The following OTUD7A variants were observed in gnomAD, a reference collection of about 807,000 sequenced individuals.
OTUD7A encodes the protein OTU domain-containing protein 7A.
OTUD7A carries 12 observed loss-of-function variants against 65.7 expected under a neutral mutation model. The observed-to-expected ratio is 0.18, with a 90% CI of 0.12 to 0.30. OTUD7A has a LOEUF of 0.30. Ranked by LOEUF, OTUD7A falls within the 10% of genes least tolerant of loss-of-function variation. The pLI is 1.00. For synonymous variants in OTUD7A, 641 were observed against 586.3 expected (o/e 1.09, Z -1.35); for missense variants, 1,148 against 1,304.8 (o/e 0.88, Z 1.85).
intron 1 of OTUD7A, among the ~76,000 whole-genome samples, chr15:31,679,566 A>T (rs1165654796): frequency 6.6e-6 from 1 of 152,068 alleles, no homozygotes. Flanking sequence ...TTCTCATGAG[A>T]TATGATGGCT....
intron 3 of OTUD7A, among the ~76,000 whole-genome samples, chr15:31,604,760 G>A (rs934075894): frequency 2.6e-5 from 4 of 152,206 alleles, no homozygotes; most frequent in African/African-American, 9.7e-5. Context: ...CCACTCAGGA[G>A]CCCAGGGGAG....
chr15:31,852,089 C>T (rs915316132), intron 1 of OTUD7A, among the ~76,000 whole-genome samples: 1 of 152,186 alleles, frequency 6.6e-6, no homozygotes, highest in Non-Finnish European at 1.5e-5. Flanking sequence ...GAACTCCTGA[C>T]CTCATGATCC....
Position 31,484,851 on chromosome 15 carries a change from C to T in OTUD7A, c.1372-127G>A. On this transcript the variant is annotated intron_variant, in intron 12 of 12. Transcript: ENST00000307050. The surrounding 1 kb of genome is among the most constrained non-coding windows in gnomAD (Gnocchi z 4.5). ...CCTGGACCTTCACTGTCCCAGTCCCCACTGTCGCTCTGGTGACTGTGACAT... is the reference window on the plus strand; with the variant it reads ...CCTGGACCTTCACTGTCCCAGTCCCTACTGTCGCTCTGGTGACTGTGACAT... 6.9e-7 allele frequency: 1 copy of T among 1,448,106 alleles called. No individual in the cohort carries two copies. Among genetic ancestry groups the T allele is most frequent in the Non-Finnish European group, 9.1e-7 (1 of 1,099,820 alleles). The allele number at this position is 1,448,106 out of a possible 1,614,324, so 89.7% of individuals were successfully genotyped here.
At chr15:31,510,383 T>A (rs903249049) in intron 8 of OTUD7A, among the ~76,000 whole-genome samples, 1 of 151,446 alleles carries the variant, frequency 6.6e-6, no homozygotes, top group Non-Finnish European at 1.5e-5. Flanking sequence ...TTTTGCTTTT[T>A]TTTTTCCCCT....
At chr15:31,857,389 T>C (rs912485844) in intron 1 of OTUD7A, among the ~76,000 whole-genome samples, 2 of 151,920 alleles carry the variant, frequency 1.3e-5, no homozygotes, top group African/African-American at 4.8e-5. Context: ...AAACCCAGTG[T>C]GGGGGCAGGG....
chr15:31,580,426 A>C (rs1889338262), intron 3 of OTUD7A, among the ~76,000 whole-genome samples: 1 of 152,236 alleles, frequency 6.6e-6, no homozygotes. Context: ...TTTGCATTTA[A>C]GAAAAATTAC....
Position 31,682,541 on chromosome 15 carries a change from T to C in OTUD7A, c.-99-25464A>G, listed in dbSNP as rs144817328. 3.2e-3 allele frequency among the ~76,000 whole-genome samples: 490 copies of C among 152,304 alleles called. 3 individuals carry two copies. Among genetic ancestry groups the C allele is most frequent in the African/African-American group, 0.011 (473 of 41,552 alleles). On this transcript the variant is annotated intron_variant, in intron 1 of 12. Coordinates refer to ENST00000307050, the MANE Select transcript of OTUD7A (RefSeq NM_001382637.1). The stretch of plus-strand genomic sequence containing the variant: ...ATTGGGATAGTAAAGGATAGACACG[T>C]TTACTACTAAAACAAAAGACAACTG...
At chr15:31,858,578 T>G (rs1432632207) in intron 1 of OTUD7A, among the ~76,000 whole-genome samples, 1 of 152,086 alleles carries the variant, frequency 6.6e-6, no homozygotes, top group Non-Finnish European at 1.5e-5. Flanking sequence ...AGGTGTTTGC[T>G]CTCACGGATG....
chr15:31,630,482 TAC>T (rs1891108600), intron 3 of OTUD7A, among the ~76,000 whole-genome samples: 1 of 152,242 alleles, frequency 6.6e-6, no homozygotes, highest in African/African-American at 2.4e-5. Flanking sequence ...TCTGTTCTTT[TAC>T]ATTTGCTGAG....
chr15:31,737,993 AG>A (rs1352915288), intron 1 of OTUD7A, among the ~76,000 whole-genome samples: 1 of 152,250 alleles, frequency 6.6e-6, no homozygotes, highest in Admixed American at 6.5e-5. Flanking sequence ...TGTTAGCTCA[AG>A]GAAGTATAAA....
At chr15:31,815,205 C>T (rs976005648) in intron 1 of OTUD7A, among the ~76,000 whole-genome samples, 2 of 152,208 alleles carry the variant, frequency 1.3e-5, no homozygotes, top group African/African-American at 4.8e-5. Context: ...CAAACACCCC[C>T]TGCCAGGACG....
Position 31,765,231 on chromosome 15 carries a change from T to C in OTUD7A, c.-100+105276A>G, listed in dbSNP as rs1295663989. Among the ~76,000 whole-genome samples the C allele has an allele frequency of 3.3e-5, 5 of 151,986 alleles. No individual in the cohort carries two copies. In the South Asian group the frequency reaches 6.2e-4, roughly 19 times the overall value. ...AATATATACATATTTTAAAAACACA[T>C]ACATATATATATAAATAGATCAAAA... On this transcript the variant is annotated intron_variant, in intron 1 of 12. Transcript: ENST00000307050.
At chr15:31,600,204 G>A (rs1164869641) in intron 3 of OTUD7A, among the ~76,000 whole-genome samples, 3 of 152,108 alleles carry the variant, frequency 2.0e-5, no homozygotes, top group Non-Finnish European at 2.9e-5. Flanking sequence ...ATACATAATC[G>A]TCAGATTCAC....
At chr15:31,783,637 T>C (rs1315051595) in intron 1 of OTUD7A, among the ~76,000 whole-genome samples, 3 of 152,202 alleles carry the variant, frequency 2.0e-5, no homozygotes, top group Admixed American at 2.0e-4. Context: ...GTTCCTGATA[T>C]TCTAAGTATC....
At chr15:31,606,948 CA>C (rs1364993745) in intron 3 of OTUD7A, among the ~76,000 whole-genome samples, 6 of 152,288 alleles carry the variant, frequency 3.9e-5, no homozygotes, top group Middle Eastern at 3.4e-3. Flanking sequence ...GCACAGTAAA[CA>C]AATTCAAACT....
intron 3 of OTUD7A, among the ~76,000 whole-genome samples, chr15:31,637,106 A>G (rs944649708): frequency 1.3e-5 from 2 of 152,234 alleles, no homozygotes; most frequent in Non-Finnish European, 2.9e-5. Flanking sequence ...CAGATGTTCA[A>G]TGTAGACAAC....
chr15:31,486,357 C>T (rs941248913), intron 12 of OTUD7A, among the ~76,000 whole-genome samples: 2 of 152,170 alleles, frequency 1.3e-5, no homozygotes, highest in Admixed American at 6.5e-5. Context: ...TGGGAGATGA[C>T]GTACAGGCAG....
At chr15:31,553,449 C>A (rs1174986483) in intron 5 of OTUD7A, among the ~76,000 whole-genome samples, 2 of 152,098 alleles carry the variant, frequency 1.3e-5, no homozygotes, top group Admixed American at 1.3e-4. Context: ...CACTTTAGGG[C>A]ACTAACTCCA....
chr15:31,676,134 AACAG>A (rs1253485878), intron 1 of OTUD7A, among the ~76,000 whole-genome samples: 5 of 152,202 alleles, frequency 3.3e-5, no homozygotes, highest in African/African-American at 1.2e-4. Context: ...GATACACAGG[AACAG>A]ACAGAGACAC....
Sources: allele counts gnomAD v4.1 joint callset (sites outside exome capture counted in the v4.1 genomes callset), GRCh38; gene constraint gnomAD v4.1.1; non-coding constraint Gnocchi (gnomAD v3.1); transcripts MANE v1.5; gene names NCBI Gene and HGNC (gene_info 2026-07-23, HGNC 2026-07-21).